ALKBH1: variants seen among roughly 807,000 people sequenced by gnomAD.
ALKBH1 encodes the protein nucleic acid dioxygenase ALKBH1.
A neutral mutation model predicts 36.6 loss-of-function variants in ALKBH1; 31 were observed. The observed-to-expected ratio is 0.85, with a 90% CI of 0.64 to 1.14. ALKBH1 has a LOEUF of 1.14. ALKBH1 is among the 50% of genes most tolerant of loss of function. The pLI, the probability that ALKBH1 is intolerant of heterozygous loss-of-function variation, is 0.00. For synonymous variants in ALKBH1, 183 were observed against 186.6 expected (o/e 0.98, Z 0.16); for missense variants, 490 against 497.3 (o/e 0.99, Z 0.14).
rs763494299 is a variant in ALKBH1 at position 77,675,870 on chromosome 14, A to G, written c.547-21T>C. The G allele has an allele frequency of 3.2e-5, 51 of 1,573,208 alleles. No homozygotes were observed. The Admixed American group carries it at 8.1e-4, about 25-fold the overall frequency. On this transcript the variant is annotated intron_variant, in intron 4 of 5. Coordinates refer to ENST00000216489, the MANE Select transcript of ALKBH1 (RefSeq NM_006020.3). ...TATTTCTTTGGTAAATGTAGAGAGA[A>G]TAAGAAAAATAAACAATGATCTCAG... is the stretch of plus-strand genomic sequence containing the variant.
At chr14:77,703,472 T>A (rs1167873035) in intron 2 of ALKBH1, among the ~76,000 whole-genome samples, 2 of 151,826 alleles carry the variant, frequency 1.3e-5, no homozygotes, top group African/African-American at 2.4e-5. Context: ...TGTTTTTGTA[T>A]TTTCAGTAGA....
chr14:77,706,685 G>A (rs560135940), intron 1 of ALKBH1, among the ~76,000 whole-genome samples: 1 of 152,226 alleles, frequency 6.6e-6, no homozygotes, highest in Non-Finnish European at 1.5e-5. Context: ...TACATATTAT[G>A]GTAAAATGTA....
chr14:77,680,677 C>CTTTTT (rs1555383644), intron 3 of ALKBH1, among the ~76,000 whole-genome samples: 4 of 124,334 alleles, frequency 3.2e-5, no homozygotes, highest in Non-Finnish European at 5.0e-5. Flanking sequence ...ATTAACTACT[C>CTTTTT]TTTTTTTTTT....
chr14:77,691,038 TG>T (rs1363365364), intron 3 of ALKBH1, among the ~76,000 whole-genome samples: 4 of 152,180 alleles, frequency 2.6e-5, no homozygotes, highest in African/African-American at 9.7e-5. Flanking sequence ...TGACCTCAGA[TG>T]ATCTGTCCAA....
intron 5 of ALKBH1, 53 bp downstream of exon 5, chr14:77,675,603 G>GA (rs3837644): frequency 2.4e-4 from 358 of 1,497,828 alleles, no homozygotes; most frequent in Non-Finnish European, 3.1e-4. Flanking sequence ...AAATGTCTTA[G>GA]AAAAAAGAAT....
chr14:77,691,191 T>C (rs1419958906), intron 3 of ALKBH1, among the ~76,000 whole-genome samples: 1 of 152,256 alleles, frequency 6.6e-6, no homozygotes, highest in Non-Finnish European at 1.5e-5. Context: ...CTCTAATTTT[T>C]TGAACAGTCC....
chr14:77,688,108 C>T (rs1309464586), intron 3 of ALKBH1, among the ~76,000 whole-genome samples: 1 of 152,176 alleles, frequency 6.6e-6, no homozygotes, highest in Non-Finnish European at 1.5e-5. Flanking sequence ...CTCAGTATTA[C>T]CCTCACTGCC....
At chr14:77,701,688 TAAG>T (rs1348633051) in intron 2 of ALKBH1, among the ~76,000 whole-genome samples, 1 of 152,128 alleles carries the variant, frequency 6.6e-6, no homozygotes, top group African/African-American at 2.4e-5. Flanking sequence ...CAACTCAGAG[TAAG>T]AAGAGACTGT....
chr14:77,682,535 T>G (rs1174490624), intron 3 of ALKBH1, among the ~76,000 whole-genome samples: 2 of 152,160 alleles, frequency 1.3e-5, no homozygotes, highest in Admixed American at 6.5e-5. Flanking sequence ...AAAAGGATGA[T>G]GATGATGATC....
intron 5 of ALKBH1, 56 bp downstream of exon 5, chr14:77,675,600 T>G: frequency 2.7e-6 from 4 of 1,487,104 alleles, no homozygotes; most frequent in Non-Finnish European, 3.7e-6. Context: ...GTAAAATGTC[T>G]TAGAAAAAAG....
chr14:77,680,677 CTTTTTTT>C lies in ALKBH1; in HGVS notation c.456-714_456-708del, dbSNP rs1555383644. ...GATCAAATCTATGTGATTAACTACT[CTTTTTTT>C]TTTTTTTTTTTTGAGACAGAGTTTC... On this transcript the variant is annotated intron_variant, in intron 3 of 5. Coordinates refer to ENST00000216489, the MANE Select transcript of ALKBH1 (RefSeq NM_006020.3). Among the ~76,000 whole-genome samples the C allele has an allele frequency of 3.2e-5, 4 of 124,336 alleles. No homozygotes were observed. In the East Asian group the frequency reaches 8.6e-4, roughly 27 times the overall value. 81.6% of individuals were successfully genotyped at this position (124,336 alleles called of 152,430 possible).
chr14:77,699,025 G>A lies in ALKBH1; in HGVS notation c.293-4125C>T, dbSNP rs149189113. The stretch of plus-strand genomic sequence containing the variant: ...TGGCCTCAACTGATCTGCCCGCCTC[G>A]GCCTCCCAAAGTGCTGGGATTACAG... On this transcript the variant is annotated intron_variant, in intron 2 of 5. Transcript: ENST00000216489. Among the ~76,000 whole-genome samples the A allele has an allele frequency of 8.7e-4, 132 of 152,210 alleles. 1 individual carries two copies. The highest frequency in any genetic ancestry group is 3.0e-3 in the African/African-American group (125 of 41,536).
chr14:77,699,990 G>T (rs1413908113), intron 2 of ALKBH1, among the ~76,000 whole-genome samples: 1 of 152,106 alleles, frequency 6.6e-6, no homozygotes, highest in Admixed American at 6.6e-5. Flanking sequence ...GGGAGGTGGA[G>T]CTTGCAGTGA....
chr14:77,685,082 T>C (rs2080260445), intron 3 of ALKBH1, among the ~76,000 whole-genome samples: 1 of 152,230 alleles, frequency 6.6e-6, no homozygotes, highest in African/African-American at 2.4e-5. Flanking sequence ...AAAATTATAG[T>C]GACAGCATGA....
intron 2 of ALKBH1, among the ~76,000 whole-genome samples, chr14:77,695,518 G>C (rs1201825208): frequency 6.6e-6 from 1 of 152,166 alleles, no homozygotes; most frequent in Non-Finnish European, 1.5e-5. Context: ...CACATCACTA[G>C]AATCAGCCTC....
chr14:77,701,883 A>C (rs2080361308), intron 2 of ALKBH1, among the ~76,000 whole-genome samples: 1 of 152,258 alleles, frequency 6.6e-6, no homozygotes, highest in Non-Finnish European at 1.5e-5. Context: ...AAATCCTAGA[A>C]AGCCTCAGAA....
chr14:77,675,825 G>A lies in ALKBH1; in HGVS notation c.571C>T (p.Pro191Ser), dbSNP rs777688584. The change falls in exon 5 of 6, where the codon CCT becomes TCT. Residue 191 changes from proline (P) to serine (S), a missense_variant. Physicochemically the swap from Pro to Ser is moderately conservative, Grantham distance 74. Coordinates refer to ENST00000216489, the MANE Select transcript of ALKBH1 (RefSeq NM_006020.3). ...AGGAAACCCAGGTCAGAAGGGAAAG[G>A]TGTGTAATGATCTGCTGAGTATTTC... Reference protein sequence around the residue: ...SKKYSADHYTPFPSDLGFLSE... With the variant: ...SKKYSADHYTSFPSDLGFLSE... 6 of 1,613,554 alleles carry A rather than the reference G, an allele frequency of 3.7e-6. No homozygotes were observed. The African/African-American group carries it at 8.0e-5, about 22-fold the overall frequency.
chr14:77,687,498 C>CCCTA (rs10652530), intron 3 of ALKBH1, among the ~76,000 whole-genome samples: 69,828 of 151,542 alleles, frequency 0.46, 16,257 homozygotes, highest in Non-Finnish European at 0.49. Context: ...TCCTTCTACC[C>CCCTA]CCTATCTTTC....
At chr14:77,698,768 T>C (rs2139862648) in intron 2 of ALKBH1, among the ~76,000 whole-genome samples, 1 of 152,274 alleles carries the variant, frequency 6.6e-6, no homozygotes, top group East Asian at 1.9e-4. Flanking sequence ...GGTCTCTTTA[T>C]TTTTATTTTT....
Sources: gnomAD v4.1 joint callset for allele counts (sites outside exome capture counted in the v4.1 genomes callset) on GRCh38, gnomAD v4.1.1 for gene constraint, MANE v1.5 for transcripts, NCBI Gene and HGNC (gene_info 2026-07-23, HGNC 2026-07-21) for gene names.